The following GOLM2 variants were observed in gnomAD, a reference collection of about 807,000 sequenced individuals.
GOLM2 encodes golgi membrane protein 2, also known as protein GOLM2.
In GOLM2, 26 loss-of-function variants were observed where a neutral mutation model predicts 55.9. That is an observed-to-expected ratio of 0.47 (90% CI 0.34 to 0.65). The LOEUF is 0.65. Ranked by LOEUF, GOLM2 falls within the 30% of genes least tolerant of loss-of-function variation. GOLM2 has a pLI of 0.01. For synonymous variants in GOLM2, 165 were observed against 194.6 expected, an observed-to-expected ratio of 0.85 and a Z score of 1.27; for missense variants, 486 against 531.8, an observed-to-expected ratio of 0.91 and a Z score of 0.85.
chr15:44,399,307 T>A (rs2079549892), intron 8 of GOLM2, among the ~76,000 whole-genome samples: 1 of 152,186 alleles, frequency 6.6e-6, no homozygotes, highest in African/African-American at 2.4e-5. Context: ...GTAAGTTGGT[T>A]CTGTGTTTTT....
At chr15:44,311,753 G>T (rs904430270) in intron 1 of GOLM2, among the ~76,000 whole-genome samples, 1 of 151,966 alleles carries the variant, frequency 6.6e-6, no homozygotes, top group African/African-American at 2.4e-5. Flanking sequence ...GGGTTCAAGC[G>T]ATTCTCCTGC....
At chr15:44,385,857 C>T (rs575536740) in intron 8 of GOLM2, among the ~76,000 whole-genome samples, 17 of 152,286 alleles carry the variant, frequency 1.1e-4, no homozygotes, top group African/African-American at 3.9e-4. Context: ...CTGGGCCTGG[C>T]CCTTTGCCCA....
At chr15:44,374,120 T>C (rs1035874700) in intron 6 of GOLM2, among the ~76,000 whole-genome samples, 10 of 151,894 alleles carry the variant, frequency 6.6e-5, no homozygotes, top group African/African-American at 1.7e-4. Context: ...TAAATAAATA[T>C]ATAAATAAAT....
intron 6 of GOLM2, among the ~76,000 whole-genome samples, chr15:44,364,049 G>T (rs944270336): frequency 7.3e-5 from 11 of 151,598 alleles, no homozygotes; most frequent in Admixed American, 2.0e-4. Flanking sequence ...GTTGTGGGGT[G>T]GGGGGAGCGG....
chr15:44,384,587 A>G (rs2079428398), intron 8 of GOLM2, among the ~76,000 whole-genome samples: 1 of 152,192 alleles, frequency 6.6e-6, no homozygotes, highest in Admixed American at 6.5e-5. Context: ...TCTACTAAAA[A>G]TACAAAAAAA....
At chr15:44,400,688 T>G (rs2079559584) in intron 8 of GOLM2, among the ~76,000 whole-genome samples, 1 of 148,758 alleles carries the variant, frequency 6.7e-6, no homozygotes, top group Admixed American at 6.8e-5. Context: ...ACCATTCTCC[T>G]GCCTCAGCCT....
At chr15:44,299,711 G>A (rs1421139603) in intron 1 of GOLM2, among the ~76,000 whole-genome samples, 1 of 151,820 alleles carries the variant, frequency 6.6e-6, no homozygotes, top group Non-Finnish European at 1.5e-5. Context: ...AAATGAAGAG[G>A]ATTCATGAAG....
At chr15:44,301,328 T>A (rs998921151) in intron 1 of GOLM2, among the ~76,000 whole-genome samples, 2 of 152,210 alleles carry the variant, frequency 1.3e-5, no homozygotes, top group African/African-American at 4.8e-5. Context: ...ACTTCTTCCC[T>A]TTAGCTTTAA....
intron 1 of GOLM2, among the ~76,000 whole-genome samples, chr15:44,296,379 G>C (rs1449674332): frequency 6.6e-6 from 1 of 152,176 alleles, no homozygotes. Flanking sequence ...ACACACATCA[G>C]TTTTGAGGTT....
At chr15:44,363,465 A>G (rs1461592371) in intron 6 of GOLM2, among the ~76,000 whole-genome samples, 2 of 152,256 alleles carry the variant, frequency 1.3e-5, no homozygotes, top group Non-Finnish European at 2.9e-5. Context: ...ACTGGCCATC[A>G]GAGAAATGCA....
At chr15:44,305,558 A>C (rs1335860973) in intron 1 of GOLM2, among the ~76,000 whole-genome samples, 1 of 152,120 alleles carries the variant, frequency 6.6e-6, no homozygotes, top group Non-Finnish European at 1.5e-5. Context: ...TCTGTCTCTC[A>C]AAGTGCTGAG....
chr15:44,299,598 G>A (rs1836325807), intron 1 of GOLM2, among the ~76,000 whole-genome samples: 1 of 152,020 alleles, frequency 6.6e-6, no homozygotes, highest in Non-Finnish European at 1.5e-5. Flanking sequence ...CTGTGTGGCA[G>A]TATGGTTCAC....
chr15:44,318,185 A>G (rs2078924227), intron 1 of GOLM2, among the ~76,000 whole-genome samples: 2 of 152,172 alleles, frequency 1.3e-5, no homozygotes, highest in African/African-American at 4.8e-5. Flanking sequence ...TGTAATTCAT[A>G]TATCATAAAA....
At chr15:44,296,481 A>G (rs549397022) in intron 1 of GOLM2, among the ~76,000 whole-genome samples, 2 of 152,332 alleles carry the variant, frequency 1.3e-5, no homozygotes, top group East Asian at 1.9e-4. Context: ...GGAAAAGGTC[A>G]TATGTCAGAA....
chr15:44,360,147 A>C (rs2079227145), intron 6 of GOLM2, among the ~76,000 whole-genome samples: 1 of 152,192 alleles, frequency 6.6e-6, no homozygotes, highest in South Asian at 2.1e-4. Context: ...GCATCAACTA[A>C]CGAGCAAAAT....
intron 6 of GOLM2, among the ~76,000 whole-genome samples, chr15:44,342,861 T>C (rs2079098542): frequency 1.3e-5 from 2 of 152,344 alleles, no homozygotes; most frequent in South Asian, 4.1e-4. Context: ...CAATGGTCTC[T>C]GGAGTCAAAT....
intron 8 of GOLM2, among the ~76,000 whole-genome samples, chr15:44,383,674 T>A (rs2079419991): frequency 6.7e-6 from 1 of 149,358 alleles, no homozygotes; most frequent in African/African-American, 2.5e-5. Flanking sequence ...TTTCTTTTTT[T>A]CTTTTTTTTT....
At chr15:44,309,852 A>G (rs988815700) in intron 1 of GOLM2, among the ~76,000 whole-genome samples, 1 of 152,100 alleles carries the variant, frequency 6.6e-6, no homozygotes, top group Non-Finnish European at 1.5e-5. Context: ...AGACTCAGGC[A>G]ATCTAATTTT....
At chr15:44,311,017 AAAC>A (rs768821446) in intron 1 of GOLM2, among the ~76,000 whole-genome samples, 2 of 152,098 alleles carry the variant, frequency 1.3e-5, no homozygotes, top group African/African-American at 2.4e-5. Flanking sequence ...ACTTCATTTC[AAAC>A]AACAACAACA....
Sources: allele counts gnomAD v4.1 joint callset (sites outside exome capture counted in the v4.1 genomes callset), GRCh38; gene constraint gnomAD v4.1.1; transcripts MANE v1.5; gene names NCBI Gene and HGNC (gene_info 2026-07-23, HGNC 2026-07-21).